Variants in SNRPN observed in about 807,000 individuals in gnomAD.
SNRPN encodes the protein small nuclear ribonucleoprotein polypeptide N, also known as small nuclear ribonucleoprotein-associated protein N.
SNRPN carries 7 observed loss-of-function variants against 25.2 expected under a neutral mutation model. The ratio of observed to expected loss-of-function variants is 0.28; its 90% CI spans 0.16 to 0.52. The LOEUF is 0.52. SNRPN is among the 20% of genes least tolerant of loss of function. The probability of loss-of-function intolerance (pLI) is 0.96; values close to 1 mark genes in which losing one functional copy is unlikely to be tolerated. For missense variants in SNRPN, 196 were observed against 322.5 expected (o/e 0.61, Z 3.00); for synonymous variants, 124 against 110.6 (o/e 1.12, Z -0.76).
At chr15:24,868,121 G>GTATA (rs71127007) in intron 1 of SNRPN, among the ~76,000 whole-genome samples, 12,232 of 145,824 alleles carry the variant, frequency 0.084, 673 homozygotes, top group East Asian at 0.21. Flanking sequence ...GTGTGTGTGT[G>GTATA]TATATATATA....
chr15:24,975,784 T>C (rs1386605479), intron 5 of SNRPN, among the ~76,000 whole-genome samples: 3 of 152,026 alleles, frequency 2.0e-5, no homozygotes, highest in Non-Finnish European at 2.9e-5. Flanking sequence ...TTGAGAAAAA[T>C]GCTATATTAA....
rs535288953 is a variant in SNRPN at position 24,973,699 on chromosome 15, C to T, written c.-143-612C>T. Among the ~76,000 whole-genome samples, 20 of 152,268 alleles carry T rather than the reference C, an allele frequency of 1.3e-4. No individual in the cohort carries two copies. The East Asian group carries it at 2.5e-3, about 19-fold the overall frequency. On this transcript the variant is annotated intron_variant, in intron 3 of 9. Transcript: ENST00000390687. ...ACAGGCGTGAGCCACCTCACCCGGC[C>T]GTTAACGTGATTTATAACTTTGTCC...
chr15:24,916,120 C>G (rs1211307426), intron 2 of SNRPN, among the ~76,000 whole-genome samples: 2 of 151,910 alleles, frequency 1.3e-5, no homozygotes, highest in Admixed American at 6.6e-5. Context: ...GCCACCAAGC[C>G]TGGCTAACTT....
chr15:24,916,390 G>C (rs936051225), intron 2 of SNRPN, among the ~76,000 whole-genome samples: 1 of 152,040 alleles, frequency 6.6e-6, no homozygotes, highest in African/African-American at 2.4e-5. Flanking sequence ...GTGAGAGATG[G>C]AGAGAGATCA....
At chr15:24,941,373 G>A (rs1036698400) in intron 3 of SNRPN, among the ~76,000 whole-genome samples, 1 of 152,178 alleles carries the variant, frequency 6.6e-6, no homozygotes, top group African/African-American at 2.4e-5. Flanking sequence ...TCTGTAACTG[G>A]TCAGGTGGTC....
rs868284682 is a variant in SNRPN at position 24,919,082 on chromosome 15, T to C, written c.-504-929T>C. 1.3e-3 allele frequency among the ~76,000 whole-genome samples: 185 copies of C among 142,042 alleles called. 9 individuals carry two copies. The highest frequency in any genetic ancestry group is 4.5e-3 in the African/African-American group (174 of 38,684). The allele number at this position is 142,042 out of a possible 152,430, so 93.2% of individuals were successfully genotyped here. ...ATATATATATAACATAATATATATG[T>C]GCGCATATATATATAACATAGCCGT... On this transcript the variant is annotated intron_variant, in intron 2 of 11. Coordinates refer to the SNRPN transcript ENST00000400097.
intron 4 of SNRPN, chr15:24,975,010 T>A (rs2076905101): frequency 1.4e-6 from 1 of 702,364 alleles, no homozygotes; most frequent in Non-Finnish European, 2.6e-6. Flanking sequence ...GGTTTTGGCA[T>A]TAACAGTACA....
At chr15:24,927,035 C>G (rs1381169041) in intron 3 of SNRPN, among the ~76,000 whole-genome samples, 1 of 151,958 alleles carries the variant, frequency 6.6e-6, no homozygotes, top group Non-Finnish European at 1.5e-5. Context: ...TAAAAAAAAC[C>G]TACCCTTTAT....
chr15:24,975,018 A>G (rs781761136), intron 4 of SNRPN: 27 of 702,030 alleles, frequency 3.8e-5, no homozygotes, highest in Non-Finnish European at 6.2e-5. Context: ...CATTAACAGT[A>G]CAGAGAAAAG....
At chr15:24,877,690 AC>A (rs2056092974) in intron 1 of SNRPN, among the ~76,000 whole-genome samples, 21 of 148,840 alleles carry the variant, frequency 1.4e-4, no homozygotes, top group South Asian at 2.1e-4. Context: ...ACACACACAC[AC>A]ACACAAACAC....
At chr15:24,978,355 G>T (rs1426145125) in intron 9 of SNRPN, 37 bp downstream of exon 9, 1 of 1,613,738 alleles carries the variant, frequency 6.2e-7, no homozygotes, top group Non-Finnish European at 8.5e-7. Context: ...GTTCAGCCAG[G>T]CCCCTGAATA....
intron 2 of SNRPN, among the ~76,000 whole-genome samples, chr15:24,906,930 G>A (rs2058840213): frequency 6.6e-6 from 1 of 152,076 alleles, no homozygotes; most frequent in Admixed American, 6.6e-5. Flanking sequence ...AAGTGATTGT[G>A]GGACTGGAGG....
chr15:24,855,635 CA>C (rs1370648934), upstream of SNRPN, among the ~76,000 whole-genome samples: 1 of 151,470 alleles, frequency 6.6e-6, no homozygotes, highest in Non-Finnish European at 1.5e-5. Flanking sequence ...ACTAAAAATA[CA>C]AAAAAATTAT....
chr15:24,933,251 C>T (rs974838470), intron 3 of SNRPN, among the ~76,000 whole-genome samples: 8 of 151,870 alleles, frequency 5.3e-5, no homozygotes, highest in African/African-American at 1.9e-4. Context: ...CAGAATGAGA[C>T]CCTGTCTCAA....
intron 1 of SNRPN, among the ~76,000 whole-genome samples, chr15:24,868,736 C>T (rs2054823199): frequency 6.6e-6 from 1 of 152,100 alleles, no homozygotes; most frequent in African/African-American, 2.4e-5. Context: ...GAATTTCCTA[C>T]AAAATGGATT....
At chr15:24,933,369 T>C (rs1032955842) in intron 3 of SNRPN, among the ~76,000 whole-genome samples, 3 of 151,390 alleles carry the variant, frequency 2.0e-5, no homozygotes, top group Non-Finnish European at 2.9e-5. Context: ...CAGACATACC[T>C]GATATCTACA....
intron 1 of SNRPN, among the ~76,000 whole-genome samples, chr15:24,875,824 C>T (rs761055385): frequency 2.0e-5 from 3 of 152,010 alleles, no homozygotes; most frequent in Non-Finnish European, 2.9e-5. Context: ...GAGGCTGAGG[C>T]GGGCAGATCA....
chr15:24,917,744 A>G (rs572942413), intron 2 of SNRPN, among the ~76,000 whole-genome samples: 1 of 152,286 alleles, frequency 6.6e-6, no homozygotes, highest in African/African-American at 2.4e-5. Context: ...CGTGTTCCAT[A>G]TTTGTTTTTC....
intron 3 of SNRPN, among the ~76,000 whole-genome samples, chr15:24,948,356 C>T (rs752422062): frequency 6.6e-6 from 1 of 152,046 alleles, no homozygotes; most frequent in Non-Finnish European, 1.5e-5. Flanking sequence ...TCGTGATCTG[C>T]CCGCCTCGGC....
Sources: gnomAD v4.1 joint callset for allele counts (sites outside exome capture counted in the v4.1 genomes callset) on GRCh38, gnomAD v4.1.1 for gene constraint, MANE v1.5 for transcripts, NCBI Gene and HGNC (gene_info 2026-07-23, HGNC 2026-07-21) for gene names.